ADSS2: variants seen among roughly 807,000 people sequenced by gnomAD.
ADSS2 encodes adenylosuccinate synthase 2.
A neutral mutation model predicts 60.0 loss-of-function variants in ADSS2; 30 were observed. The ratio of observed to expected loss-of-function variants is 0.50; its 90% CI spans 0.37 to 0.68. The LOEUF (loss-of-function observed/expected upper bound fraction) is 0.68. Ranked by LOEUF, ADSS2 falls within the 30% of genes least tolerant of loss-of-function variation. The pLI is 0.00. For synonymous variants in ADSS2, 187 were observed against 193.1 expected, an observed-to-expected ratio of 0.97 and a Z score of 0.26; for missense variants, 373 against 554.8, an observed-to-expected ratio of 0.67 and a Z score of 3.29.
At chr1:244,429,900 A>G (rs1664895263) in intron 4 of ADSS2, among the ~76,000 whole-genome samples, 2 of 152,072 alleles carry the variant, frequency 1.3e-5, no homozygotes, top group African/African-American at 4.8e-5. Flanking sequence ...AATAAAATAA[A>G]ATAAAATAAA....
chr1:244,437,099 CA>C (rs1184803777), intron 2 of ADSS2, among the ~76,000 whole-genome samples: 1 of 152,052 alleles, frequency 6.6e-6, no homozygotes, highest in Admixed American at 6.5e-5. Context: ...TTCTTGAAAA[CA>C]AAGTGAAATA....
At chr1:244,416,105 A>G (rs1036128904) in intron 10 of ADSS2, 27 bp from the exon 11 acceptor site, 10 of 1,497,136 alleles carry the variant, frequency 6.7e-6, no homozygotes, top group East Asian at 4.5e-5. Context: ...AGGCAATGTT[A>G]AAAGAGCAGA....
At chr1:244,424,462 C>G (rs1664751067) in intron 4 of ADSS2, 75 bp from the exon 5 acceptor site, 34 of 1,213,226 alleles carry the variant, frequency 2.8e-5, no homozygotes, top group Non-Finnish European at 4.0e-5. Flanking sequence ...TTTCAAATTA[C>G]TGAAGTTATA....
chr1:244,414,312 T>C (rs1664480957), intron 11 of ADSS2, among the ~76,000 whole-genome samples: 1 of 152,178 alleles, frequency 6.6e-6, no homozygotes, highest in Non-Finnish European at 1.5e-5. Flanking sequence ...AAGTAGCTAA[T>C]ATAAATTAAG....
intron 1 of ADSS2, among the ~76,000 whole-genome samples, chr1:244,441,968 A>C (rs1665259778): frequency 6.7e-6 from 1 of 149,832 alleles, no homozygotes. Context: ...ACAAACAAAC[A>C]AAAAGTTTTA....
chr1:244,450,365 T>G (rs1208296714), intron 1 of ADSS2, among the ~76,000 whole-genome samples: 1 of 152,202 alleles, frequency 6.6e-6, no homozygotes, highest in Non-Finnish European at 1.5e-5. Flanking sequence ...AGGCAATTAG[T>G]GCAACAGCTA....
intron 1 of ADSS2, among the ~76,000 whole-genome samples, chr1:244,448,696 G>A (rs1665456033): frequency 6.6e-6 from 1 of 152,216 alleles, no homozygotes; most frequent in Admixed American, 6.5e-5. Context: ...TTTACTTTGA[G>A]AGAACTGGGG....
chr1:244,449,192 A>G (rs768786781), intron 1 of ADSS2, among the ~76,000 whole-genome samples: 2 of 152,218 alleles, frequency 1.3e-5, no homozygotes, highest in Non-Finnish European at 2.9e-5. Flanking sequence ...GTTTCCAAAA[A>G]GGCATTTTAT....
At position 244,416,049 on chromosome 1, in the gene ADSS2, T is replaced by C. The variant is rs1184301891; in HGVS notation, c.1100A>G (p.Asp367Gly). 6.2e-7 allele frequency: 1 copy of C among 1,613,768 alleles called. No homozygotes were observed. Among genetic ancestry groups the C allele is most frequent in the East Asian group, 2.2e-5 (1 of 44,844 alleles). ...ALALTKLDIL[D>G]MFTEIKVGVA... Reference sequence around the variant, plus strand: ...TCCAACTTTGATTTCCGTAAACATGTCCAAAATATCCAACTTGGTAAGTGC... The same window carrying C: ...TCCAACTTTGATTTCCGTAAACATGCCCAAAATATCCAACTTGGTAAGTGC... The change falls in exon 11 of 13, where the codon GAC becomes GGC. Residue 367 changes from aspartate (D) to glycine (G), a missense_variant. Transcript: ENST00000366535.
chr1:244,413,364 TAC>T (rs1284004864), intron 11 of ADSS2, among the ~76,000 whole-genome samples: 4 of 152,186 alleles, frequency 2.6e-5, no homozygotes, highest in Admixed American at 2.6e-4. Flanking sequence ...CATCATAAAA[TAC>T]ACAGTTCCCA....
At chr1:244,449,632 C>T (rs926201125) in intron 1 of ADSS2, among the ~76,000 whole-genome samples, 2 of 152,180 alleles carry the variant, frequency 1.3e-5, no homozygotes, top group Non-Finnish European at 2.9e-5. Flanking sequence ...CTATTCATTA[C>T]TCATCTATTT....
intron 1 of ADSS2, among the ~76,000 whole-genome samples, chr1:244,443,954 T>A (rs930064479): frequency 1.3e-5 from 2 of 152,090 alleles, no homozygotes; most frequent in Non-Finnish European, 2.9e-5. Flanking sequence ...CCATTTTACT[T>A]CTGAAATATA....
intron 7 of ADSS2, among the ~76,000 whole-genome samples, chr1:244,421,548 C>T (rs1664675726): frequency 6.6e-6 from 1 of 152,206 alleles, no homozygotes; most frequent in Non-Finnish European, 1.5e-5. Flanking sequence ...CTATAAGAAT[C>T]TTCTTACCTA....
At position 244,418,832 on chromosome 1, in the gene ADSS2, T is replaced by G. The variant is rs746059176; in HGVS notation, c.873A>C (p.Gly291=). Reference sequence around the variant, plus strand: ...AAGCTTTCACAACTCCATACACTTCTCCAACATTTTGAGGTGGCATACCCA... The same window carrying G: ...AAGCTTTCACAACTCCATACACTTCGCCAACATTTTGAGGTGGCATACCCA... The part of the protein sequence containing the change: ...TGLGMPPQNV[G]EVYGVVKAYT... Residue 291 remains glycine (G), a synonymous_variant, in exon 9 of 13, where the codon GGA becomes GGC. Transcript: ENST00000366535. 35 of 1,613,942 alleles carry G rather than the reference T, an allele frequency of 2.2e-5. No homozygotes were observed. In the African/African-American group the frequency reaches 2.7e-4, roughly 12 times the overall value.
At chr1:244,420,869 T>C (rs1664658403) in intron 7 of ADSS2, among the ~76,000 whole-genome samples, 1 of 151,876 alleles carries the variant, frequency 6.6e-6, no homozygotes, top group African/African-American at 2.4e-5. Flanking sequence ...CCTAAATTTT[T>C]TTCTTTTTCT....
Position 244,428,217 on chromosome 1 carries a change from G to C in ADSS2, c.407-3830C>G, listed in dbSNP as rs1258326017. Among the ~76,000 whole-genome samples the C allele has an allele frequency of 2.0e-5, 3 of 152,068 alleles. 1 individual carries two copies. Among genetic ancestry groups the C allele is most frequent in the African/African-American group, 7.2e-5 (3 of 41,398 alleles). The stretch of plus-strand genomic sequence containing the variant: ...CATTATCCAAAACAGACCACATCCT[G>C]AGCCATAAAAGAAGTCTCAACAAAG... On this transcript the variant is annotated intron_variant, in intron 4 of 12. Transcript: ENST00000366535.
At chr1:244,424,523 T>C (rs1558272580) in intron 4 of ADSS2, 136 bp from the exon 5 acceptor site, 4 of 656,646 alleles carry the variant, frequency 6.1e-6, no homozygotes, top group Non-Finnish European at 5.2e-6. Context: ...TTTTTAGAAG[T>C]GATGATAGAA....
chr1:244,420,124 T>C (rs758788917), intron 8 of ADSS2, 46 bp downstream of exon 8: 53 of 1,574,020 alleles, frequency 3.4e-5, no homozygotes, highest in Non-Finnish European at 4.2e-5. Flanking sequence ...TTTAACTACT[T>C]AGGGCTCAGT....
At chr1:244,439,468 G>A (rs115475362) in intron 1 of ADSS2, among the ~76,000 whole-genome samples, 553 of 152,272 alleles carry the variant, frequency 3.6e-3, no homozygotes, top group African/African-American at 0.013. Flanking sequence ...TAGGGCCTGT[G>A]ACGGGGAACT....
Sources: allele counts gnomAD v4.1 joint callset (sites outside exome capture counted in the v4.1 genomes callset), GRCh38; gene constraint gnomAD v4.1.1; transcripts MANE v1.5; gene names NCBI Gene and HGNC (gene_info 2026-07-23, HGNC 2026-07-21).